Variants in CHSY1 observed in about 807,000 individuals in gnomAD.
CHSY1 encodes the protein N-acetylgalactosaminyl-proteoglycan 3-beta-glucuronosyltransferase 1.
Under a neutral mutation model 59.8 loss-of-function variants are expected in CHSY1, and 13 were observed. The ratio of observed to expected loss-of-function variants is 0.22; its 90% CI spans 0.14 to 0.35. CHSY1 has a LOEUF of 0.35. Among genes scored for constraint, CHSY1 ranks in the 10% least tolerant of loss-of-function variants. CHSY1 has a pLI of 1.00. For missense variants in CHSY1, 947 were observed against 1,030.6 expected, an observed-to-expected ratio of 0.92 and a Z score of 1.11; for synonymous variants, 459 against 401.2, an observed-to-expected ratio of 1.14 and a Z score of -1.72.
chr15:101,214,989 G>A (rs1270571230), intron 2 of CHSY1, among the ~76,000 whole-genome samples: 1 of 152,160 alleles, frequency 6.6e-6, no homozygotes, highest in Non-Finnish European at 1.5e-5. Flanking sequence ...TTTTAAAAGT[G>A]TGCGGCACCT....
intron 2 of CHSY1, among the ~76,000 whole-genome samples, chr15:101,221,816 TTTTG>T (rs10659419): frequency 6.6e-6 from 1 of 151,686 alleles, no homozygotes; most frequent in Non-Finnish European, 1.5e-5. Flanking sequence ...CAGGGAGTTT[TTTTG>T]TTTGTTTCTT....
chr15:101,246,211 CCT>C (rs1555437456), intron 1 of CHSY1, among the ~76,000 whole-genome samples: 1 of 152,204 alleles, frequency 6.6e-6, no homozygotes. Context: ...AAACCATCCA[CCT>C]CTTTCTTCTG....
In CHSY1 at chr15:101,233,159, T is replaced by C. The variant is rs12593231; in HGVS notation, c.816+1923A>G. 3.3e-3 allele frequency among the ~76,000 whole-genome samples: 500 copies of C among 152,246 alleles called. 6 individuals are homozygous for C. In the East Asian group the frequency reaches 0.045, roughly 14 times the overall value. Reference sequence around the variant, plus strand: ...GCAGGCCATCAGAAACCTTTTGTGATTACCTCCCGTCAGAGGAAAATCATC... The same window carrying C: ...GCAGGCCATCAGAAACCTTTTGTGACTACCTCCCGTCAGAGGAAAATCATC... On this transcript the variant is annotated intron_variant, in intron 2 of 2. Coordinates refer to ENST00000254190, the MANE Select transcript of CHSY1 (RefSeq NM_014918.5).
chr15:101,248,664 A>C (rs1241249106), intron 1 of CHSY1, among the ~76,000 whole-genome samples: 2 of 152,278 alleles, frequency 1.3e-5, no homozygotes, highest in Non-Finnish European at 1.5e-5. Flanking sequence ...TAAGTCTTAC[A>C]TCCAGAAAAA....
chr15:101,217,338 C>T (rs1220038972), intron 2 of CHSY1, among the ~76,000 whole-genome samples: 2 of 152,122 alleles, frequency 1.3e-5, no homozygotes, highest in East Asian at 3.8e-4. Flanking sequence ...TCGTCACATA[C>T]AGAAATATTT....
intron 2 of CHSY1, among the ~76,000 whole-genome samples, chr15:101,230,760 G>A (rs2038885443): frequency 6.6e-6 from 1 of 151,978 alleles, no homozygotes; most frequent in African/African-American, 2.4e-5. Context: ...TCCCTGTACT[G>A]TTTTATATTT....
intron 1 of CHSY1, among the ~76,000 whole-genome samples, chr15:101,237,492 G>T (rs571311820): frequency 6.6e-6 from 1 of 152,278 alleles, no homozygotes; most frequent in African/African-American, 2.4e-5. Context: ...CATCAACAGA[G>T]GGAAGATGAG....
intron 2 of CHSY1, among the ~76,000 whole-genome samples, chr15:101,207,664 C>T (rs67502721): frequency 6.6e-6 from 1 of 152,032 alleles, no homozygotes; most frequent in Non-Finnish European, 1.5e-5. Context: ...ATAGATCTTC[C>T]AGAATATACT....
At chr15:101,200,758 C>T (rs1475173344) in intron 2 of CHSY1, among the ~76,000 whole-genome samples, 1 of 152,210 alleles carries the variant, frequency 6.6e-6, no homozygotes, top group Non-Finnish European at 1.5e-5. Flanking sequence ...CCCAGCCTCA[C>T]CTTGCTCTGA....
At chr15:101,220,785 C>G (rs1254597978) in intron 2 of CHSY1, among the ~76,000 whole-genome samples, 1 of 152,248 alleles carries the variant, frequency 6.6e-6, no homozygotes, top group Non-Finnish European at 1.5e-5. Flanking sequence ...TCCGTGTTTT[C>G]TCAGTCATGG....
intron 1 of CHSY1, among the ~76,000 whole-genome samples, chr15:101,239,772 T>G (rs965222092): frequency 2.0e-5 from 3 of 152,134 alleles, no homozygotes; most frequent in African/African-American, 7.2e-5. Flanking sequence ...CTTCAGACAA[T>G]GTTACAGGAA....
At chr15:101,244,420 C>T (rs1007980111) in intron 1 of CHSY1, among the ~76,000 whole-genome samples, 4 of 152,170 alleles carry the variant, frequency 2.6e-5, no homozygotes, top group African/African-American at 7.2e-5. Context: ...CTGACTGAAA[C>T]GAGAACGGGC....
At chr15:101,234,846 G>C (rs2038925415) in intron 2 of CHSY1, among the ~76,000 whole-genome samples, 1 of 152,174 alleles carries the variant, frequency 6.6e-6, no homozygotes, top group Admixed American at 6.5e-5. Context: ...CAGCCTGGGA[G>C]ACAGAGCAAG....
At chr15:101,251,114 G>A (rs1402137290) in intron 1 of CHSY1, 23 bp downstream of exon 1, 2 of 1,555,128 alleles carry the variant, frequency 1.3e-6, no homozygotes, top group Admixed American at 3.7e-5. Flanking sequence ...GCAGGAGGCG[G>A]TGCCCGGGGA....
At chr15:101,249,383 CAAA>C (rs10593437) in intron 1 of CHSY1, among the ~76,000 whole-genome samples, 39,137 of 114,952 alleles carry the variant, frequency 0.34, 7,140 homozygotes, top group African/African-American at 0.58. Flanking sequence ...TTTCTCTGGT[CAAA>C]AAAAAAAAAA....
intron 1 of CHSY1, among the ~76,000 whole-genome samples, chr15:101,240,920 A>C (rs11856403): frequency 0.31 from 47,740 of 152,076 alleles, 10,358 homozygotes; most frequent in African/African-American, 0.62. Context: ...CTCTTGTCCT[A>C]GGTAAATATT....
rs562767823 is a variant in CHSY1 at position 101,247,467 on chromosome 15, C to T, written c.320+3670G>A. On this transcript the variant is annotated intron_variant, in intron 1 of 2. Coordinates refer to ENST00000254190, the MANE Select transcript of CHSY1 (RefSeq NM_014918.5). ...CAGAAACCCTCTTTTTAGTGTCGTC[C>T]CTCTGACTAAAGAACATGACAGCAA... 3.9e-5 allele frequency among the ~76,000 whole-genome samples: 6 copies of T among 152,216 alleles called. No homozygotes were observed. In the South Asian group the frequency reaches 8.3e-4, roughly 21 times the overall value.
intron 2 of CHSY1, among the ~76,000 whole-genome samples, chr15:101,179,492 A>T (rs1042445310): frequency 6.6e-6 from 1 of 152,210 alleles, no homozygotes; most frequent in African/African-American, 2.4e-5. Context: ...GGGAAAGCCT[A>T]TCAGAGGCAG....
At chr15:101,217,223 T>A (rs550113642) in intron 2 of CHSY1, among the ~76,000 whole-genome samples, 1 of 152,334 alleles carries the variant, frequency 6.6e-6, no homozygotes, top group East Asian at 1.9e-4. Flanking sequence ...GGTTACAGTT[T>A]AGCAAAGAAG....
Sources: gnomAD v4.1 joint callset for allele counts (sites outside exome capture counted in the v4.1 genomes callset) on GRCh38, gnomAD v4.1.1 for gene constraint, MANE v1.5 for transcripts, NCBI Gene and HGNC (gene_info 2026-07-23, HGNC 2026-07-21) for gene names.